Variants in MRTFA observed in about 807,000 individuals in gnomAD.
MRTFA encodes myocardin related transcription factor A, also known as myocardin-related transcription factor A.
In MRTFA, 20 loss-of-function variants were observed where a neutral mutation model predicts 83.5. That is an observed-to-expected ratio of 0.24 (90% CI 0.17 to 0.35). The LOEUF is 0.35. Among genes scored for constraint, MRTFA ranks in the 10% least tolerant of loss-of-function variants. MRTFA has a pLI of 1.00. For synonymous variants in MRTFA, 659 were observed against 541.2 expected, an observed-to-expected ratio of 1.22 and a Z score of -3.02; for missense variants, 1,200 against 1,224.7, an observed-to-expected ratio of 0.98 and a Z score of 0.30.
intron 1 of MRTFA, among the ~76,000 whole-genome samples, chr22:40,631,991 A>T (rs1028937278): frequency 6.6e-6 from 1 of 152,176 alleles, no homozygotes; most frequent in Admixed American, 6.5e-5. Context: ...ATTCTTGTGT[A>T]GTCCCTTCCC....
intron 9 of MRTFA, among the ~76,000 whole-genome samples, chr22:40,422,683 T>C (rs1249488860): frequency 6.6e-6 from 1 of 152,160 alleles, no homozygotes; most frequent in East Asian, 1.9e-4. Context: ...GGACTGGGGA[T>C]GTCACCATGG....
intron 3 of MRTFA, 130 bp from the exon 4 acceptor site, chr22:40,463,416 T>G: frequency 1.4e-6 from 1 of 700,474 alleles, no homozygotes; most frequent in Non-Finnish European, 2.5e-6. Flanking sequence ...CCCCTTGAAG[T>G]GCAACTGTCT....
chr22:40,635,692 T>A (rs2056688817), intron 1 of MRTFA, among the ~76,000 whole-genome samples: 1 of 152,170 alleles, frequency 6.6e-6, no homozygotes, highest in African/African-American at 2.4e-5. Context: ...AAAGCAAACA[T>A]TTCTTGGGCC....
intron 1 of MRTFA, among the ~76,000 whole-genome samples, chr22:40,613,752 AC>A (rs2056414652): frequency 1.3e-5 from 2 of 152,064 alleles, no homozygotes; most frequent in Non-Finnish European, 2.9e-5. Flanking sequence ...ACCAAAAAAT[AC>A]CCAAAAAATA....
intron 4 of MRTFA, among the ~76,000 whole-genome samples, chr22:40,436,948 G>C (rs1403989770): frequency 1.3e-5 from 2 of 148,772 alleles, no homozygotes; most frequent in Non-Finnish European, 1.5e-5. Flanking sequence ...CACCCCCAGC[G>C]GGGGGCTGGG....
rs35215701 is a variant in MRTFA, at chr22:40,595,863, C to CTTT, written c.-83-1131_-83-1129dup. Among the ~76,000 whole-genome samples the CTTT allele has an allele frequency of 1.6e-3, 125 of 78,110 alleles. 3 individuals carry two copies. The highest frequency in any genetic ancestry group is 2.2e-3 in the East Asian group (4 of 1,788). The allele number at this position is 78,110 out of a possible 152,430, so 51.2% of individuals were successfully genotyped here. ...ACAGAATCAATGGTATATCTAAAGT[C>CTTT]TTTTTTTTTTTTTTTTTTTTTTTTT... On this transcript the variant is annotated intron_variant, in intron 1 of 14. Transcript: ENST00000355630.
intron 11 of MRTFA, among the ~76,000 whole-genome samples, chr22:40,419,896 G>A (rs1312319726): frequency 6.6e-6 from 1 of 152,182 alleles, no homozygotes; most frequent in Non-Finnish European, 1.5e-5. Context: ...CTGATCACAG[G>A]CCGCTCTCTT....
intron 4 of MRTFA, among the ~76,000 whole-genome samples, chr22:40,438,106 T>C (rs1031258919): frequency 1.3e-5 from 2 of 152,160 alleles, no homozygotes; most frequent in African/African-American, 4.8e-5. Flanking sequence ...GGATAGACAG[T>C]CAAGGGATCT....
At chr22:40,613,803 T>A (rs529312693) in intron 1 of MRTFA, among the ~76,000 whole-genome samples, 1 of 152,144 alleles carries the variant, frequency 6.6e-6, no homozygotes, top group African/African-American at 2.4e-5. Flanking sequence ...CCAGCTACTC[T>A]GGAGGCTGAA....
At chr22:40,417,177 G>C in intron 13 of MRTFA, 131 bp from the exon 14 acceptor site, 6 of 1,353,752 alleles carry the variant, frequency 4.4e-6, no homozygotes, top group Non-Finnish European at 6.1e-6. Flanking sequence ...GGGCGTGCCC[G>C]GACTCCTGGA....
intron 3 of MRTFA, among the ~76,000 whole-genome samples, chr22:40,541,824 G>A (rs2055295762): frequency 6.6e-6 from 1 of 151,948 alleles, no homozygotes; most frequent in Non-Finnish European, 1.5e-5. Flanking sequence ...CTGCCACCAC[G>A]CCCAGCTAAA....
At chr22:40,600,500 C>T (rs957271284) in intron 1 of MRTFA, among the ~76,000 whole-genome samples, 3 of 152,056 alleles carry the variant, frequency 2.0e-5, no homozygotes, top group African/African-American at 4.8e-5. Context: ...CTTTGAGAGG[C>T]TGAGATTATA....
chr22:40,411,478 G>A lies in MRTFA; in HGVS notation c.3008C>T (p.Ala1003Val). ...GCTGGGGGCTGTGGTGCTGAGGGGGGCTAGGCTCAGCACGGGACCACCTGA... is the reference window on the plus strand; with the variant it reads ...GCTGGGGGCTGTGGTGCTGAGGGGGACTAGGCTCAGCACGGGACCACCTGA... The change falls in exon 15 of 15, where the codon GCC becomes GTC. Residue 1003 changes from alanine to valine, a missense_variant. Ala to Val is a moderately conservative substitution (Grantham distance 64). Around this residue, in one of 2 missense-constraint regions of MRTFA, gnomAD observed 1,107 missense variants for 1,041.8 expected, o/e 1.06. Coordinates refer to ENST00000355630, the MANE Select transcript of MRTFA (RefSeq NM_020831.6). 2 of 1,608,672 alleles carry A rather than the reference G, an allele frequency of 1.2e-6. No individual in the cohort carries two copies. Among genetic ancestry groups the A allele is most frequent in the East Asian group, 2.2e-5 (1 of 44,682 alleles).
intron 3 of MRTFA, among the ~76,000 whole-genome samples, chr22:40,516,210 G>C (rs2147249998): frequency 6.6e-6 from 1 of 152,140 alleles, no homozygotes; most frequent in South Asian, 2.1e-4. Context: ...CTTGAGGTCA[G>C]GAGTTCGAGG....
chr22:40,456,790 A>G (rs1236244386), intron 4 of MRTFA, among the ~76,000 whole-genome samples: 1 of 152,220 alleles, frequency 6.6e-6, no homozygotes, highest in Non-Finnish European at 1.5e-5. Context: ...TCATAAAATA[A>G]GTTGAAGTCT....
chr22:40,525,012 A>C (rs1462819613), intron 3 of MRTFA, among the ~76,000 whole-genome samples: 1 of 152,100 alleles, frequency 6.6e-6, no homozygotes, highest in East Asian at 1.9e-4. Flanking sequence ...GTTTCGCCAT[A>C]CTGGCCAGGC....
chr22:40,531,173 G>A (rs2055072765), intron 3 of MRTFA, among the ~76,000 whole-genome samples: 1 of 151,002 alleles, frequency 6.6e-6, no homozygotes, highest in Admixed American at 6.6e-5. Context: ...ATCATAGCTT[G>A]TTGCAGCCTC....
chr22:40,419,461 G>T, intron 11 of MRTFA, 77 bp from the exon 12 acceptor site: 1 of 1,315,450 alleles, frequency 7.6e-7, no homozygotes. Context: ...AGGGCAGTCT[G>T]GGCCCCATGG....
At position 40,447,077 on chromosome 22, in the gene MRTFA, T is replaced by TG. The variant is rs374283535; in HGVS notation, c.308-11524dup. Among the ~76,000 whole-genome samples, 407 of 152,072 alleles carry TG rather than the reference T, an allele frequency of 2.7e-3. 3 individuals are homozygous for TG. Among genetic ancestry groups the TG allele is most frequent in the African/African-American group, 9.4e-3 (391 of 41,470 alleles). ...ACTTTCTGATAAGGTGACATTTGGC[T>TG]GGGGGTGGCAGCTCATGCCTGTAAT... On this transcript the variant is annotated intron_variant, in intron 4 of 14. Coordinates refer to ENST00000355630, the MANE Select transcript of MRTFA (RefSeq NM_020831.6).
Sources: gnomAD v4.1 joint callset for allele counts (sites outside exome capture counted in the v4.1 genomes callset) on GRCh38, gnomAD v4.1.1 for gene constraint, gnomAD v4.1.1 regional missense constraint, MANE v1.5 for transcripts, NCBI Gene and HGNC (gene_info 2026-07-23, HGNC 2026-07-21) for gene names.